Variants in PCDHGB1 observed in about 807,000 individuals in gnomAD.
PCDHGB1 encodes the protein protocadherin gamma-B1.
In PCDHGB1, 34 loss-of-function variants were observed where a neutral mutation model predicts 56.6. The observed-to-expected ratio is 0.60, with a 90% CI of 0.46 to 0.80. PCDHGB1 has a LOEUF of 0.80. Among genes scored for constraint, PCDHGB1 ranks in the 30% least tolerant of loss-of-function variants. The pLI is 0.00. For missense variants in PCDHGB1, 1,278 were observed against 1,204.6 expected, an observed-to-expected ratio of 1.06 and a Z score of -0.90; for synonymous variants, 561 against 505.9, an observed-to-expected ratio of 1.11 and a Z score of -1.46.
intron 1 of PCDHGB1, among the ~76,000 whole-genome samples, chr5:141,455,997 A>C (rs1373055623): frequency 1.3e-5 from 2 of 151,626 alleles, no homozygotes. Context: ...TCTCGGGTTC[A>C]TGCCATTCTC....
chr5:141,408,329 A>G (rs2095085203), intron 1 of PCDHGB1: 1 of 1,613,698 alleles, frequency 6.2e-7, no homozygotes, highest in Admixed American at 1.7e-5. Context: ...GGAGCTGGCC[A>G]AGGGCTCGGT....
chr5:141,399,543 C>T (rs2093831494), intron 1 of PCDHGB1: 3 of 1,614,042 alleles, frequency 1.9e-6, no homozygotes, highest in Non-Finnish European at 2.5e-6. Flanking sequence ...AAGTCTGCGC[C>T]TCGGACCTGG....
rs1328089059 is a variant in PCDHGB1, at chr5:141,478,532, G to A, written c.2410-16275G>A. 4.4e-6 allele frequency: 7 copies of A among 1,607,742 alleles called. No homozygotes were observed. The East Asian group carries it at 1.6e-4, about 36-fold the overall frequency. On this transcript the variant is annotated intron_variant, in intron 1 of 3. Coordinates refer to ENST00000523390, the MANE Select transcript of PCDHGB1 (RefSeq NM_018922.3). Reference sequence around the variant, plus strand: ...TAGGCAGGTGTTGGGTGCAGAGAGCGCCCCTCCCGGACAGGTAAGGTTTAG... The same window carrying A: ...TAGGCAGGTGTTGGGTGCAGAGAGCACCCCTCCCGGACAGGTAAGGTTTAG...
At chr5:141,365,018 G>C in intron 1 of PCDHGB1, 1 of 1,613,880 alleles carries the variant, frequency 6.2e-7, no homozygotes, top group Non-Finnish European at 8.5e-7. Context: ...GCACATCCGT[G>C]TTACGGTCCT....
At chr5:141,413,357 G>C in intron 1 of PCDHGB1, 1 of 1,613,992 alleles carries the variant, frequency 6.2e-7, no homozygotes, top group Non-Finnish European at 8.5e-7. Context: ...CTGGCGCCCC[G>C]GGAGCTGGCG....
chr5:141,409,164 C>G (rs115772303), intron 1 of PCDHGB1: 18 of 1,613,792 alleles, frequency 1.1e-5, no homozygotes, highest in Non-Finnish European at 1.4e-5. Flanking sequence ...GAAGTGGAAG[C>G]GAAGGACGGA....
At chr5:141,469,104 C>G (rs1046234848) in intron 1 of PCDHGB1, among the ~76,000 whole-genome samples, 3 of 151,760 alleles carry the variant, frequency 2.0e-5, no homozygotes, top group Middle Eastern at 3.2e-3. Flanking sequence ...AAGCAAGAAC[C>G]TGTCTCTAAA....
chr5:141,352,036 A>G lies in PCDHGB1; in HGVS notation c.1776A>G (p.Ala592=). The change falls in exon 1 of 4, where the codon GCA becomes GCG. Residue 592 remains alanine (A), a synonymous_variant. Transcript: ENST00000523390. ...YLVTKVVAVD[A]DSGHNAWLSY... is the part of the protein sequence containing the mutation. The stretch of plus-strand genomic sequence containing the variant: ...TGACCAAGGTGGTGGCGGTGGACGC[A>G]GACTCAGGACACAACGCTTGGCTGT... 1 of 1,608,834 alleles carries G rather than the reference A, an allele frequency of 6.2e-7. No homozygotes were observed. Among genetic ancestry groups the G allele is most frequent in the Admixed American group, 1.7e-5 (1 of 59,908 alleles).
chr5:141,407,735 T>C (rs2094975330), intron 1 of PCDHGB1, among the ~76,000 whole-genome samples: 1 of 152,246 alleles, frequency 6.6e-6, no homozygotes, highest in Non-Finnish European at 1.5e-5. Context: ...GTTCACTATA[T>C]ATACTCCCTA....
At chr5:141,470,648 C>T (rs1188305813) in intron 1 of PCDHGB1, among the ~76,000 whole-genome samples, 1 of 152,066 alleles carries the variant, frequency 6.6e-6, no homozygotes, top group Non-Finnish European at 1.5e-5. Context: ...TTTGAAGGCC[C>T]CTACCCTTTG....
intron 1 of PCDHGB1, among the ~76,000 whole-genome samples, chr5:141,445,441 C>T (rs1201825256): frequency 6.6e-6 from 1 of 152,152 alleles, no homozygotes; most frequent in Admixed American, 6.6e-5. Context: ...GACCTATGGA[C>T]TAAGGATGCA....
rs2099612736 is a variant in PCDHGB1 at position 141,485,393 on chromosome 5, C to T, written c.2410-9414C>T. The T allele has an allele frequency of 6.2e-7, 1 of 1,614,154 alleles. No homozygotes were observed. The highest frequency in any genetic ancestry group is 1.7e-5 in the Admixed American group (1 of 60,020). ...GGTCGCTGGAGAGGTGAACCAAAGA[C>T]ACTTCCGTGTGGATTTGGACAGCGG... On this transcript the variant is annotated intron_variant, in intron 1 of 3. Coordinates refer to ENST00000523390, the MANE Select transcript of PCDHGB1 (RefSeq NM_018922.3). The surrounding 1 kb of genome is among the most constrained non-coding windows in gnomAD (Gnocchi z 5.7).
intron 1 of PCDHGB1, among the ~76,000 whole-genome samples, chr5:141,484,627 A>G (rs866882607): frequency 5.3e-5 from 8 of 152,162 alleles, no homozygotes; most frequent in Middle Eastern, 3.4e-3. Flanking sequence ...TGGCTTGAAC[A>G]AAGTGACCAC....
chr5:141,473,367 T>C (rs1343477225), intron 1 of PCDHGB1, among the ~76,000 whole-genome samples: 1 of 152,178 alleles, frequency 6.6e-6, no homozygotes, highest in Non-Finnish European at 1.5e-5. Flanking sequence ...GCCACCAAAA[T>C]AGCATGGTCC....
chr5:141,433,209 T>A, intron 1 of PCDHGB1: 3 of 465,024 alleles, frequency 6.5e-6, no homozygotes, highest in South Asian at 1.0e-4. Context: ...ATCTTCTTTC[T>A]TTTTTTTTTT....
At chr5:141,427,963 T>C (rs1289642441) in intron 1 of PCDHGB1, 1 of 1,589,380 alleles carries the variant, frequency 6.3e-7, no homozygotes, top group East Asian at 2.2e-5. Flanking sequence ...GTGCCGCGGG[T>C]GCTGTACCCC....
intron 1 of PCDHGB1, chr5:141,361,755 C>A (rs771795005): frequency 1.9e-6 from 3 of 1,613,060 alleles, no homozygotes; most frequent in East Asian, 2.2e-5. Context: ...AGGGCTCGCC[C>A]GCGCTCAGCG....
At position 141,487,635 on chromosome 5, in the gene PCDHGB1, A is replaced by C. The variant is rs1594699829; in HGVS notation, c.2410-7172A>C. 1.2e-6 allele frequency: 2 copies of C among 1,614,204 alleles called. No individual in the cohort carries two copies. Among genetic ancestry groups the C allele is most frequent in the Non-Finnish European group, 1.7e-6 (2 of 1,180,034 alleles). On this transcript the variant is annotated intron_variant, in intron 1 of 3. Transcript: ENST00000523390. The surrounding 1 kb of genome is among the most constrained non-coding windows in gnomAD (Gnocchi z 5.0). Reference sequence around the variant, plus strand: ...CTAGAGGTGAGACCTTTGCAGGCTCAACAAATGCTTGAGGGTTATTCTGAT... The same window carrying C: ...CTAGAGGTGAGACCTTTGCAGGCTCCACAAATGCTTGAGGGTTATTCTGAT...
At chr5:141,384,768 G>A (rs1046016115) in intron 1 of PCDHGB1, 20 of 1,613,804 alleles carry the variant, frequency 1.2e-5, no homozygotes, top group Non-Finnish European at 1.6e-5. Context: ...GGCTGTACAC[G>A]GGCGAGGTGC....
Sources: allele counts gnomAD v4.1 joint callset (sites outside exome capture counted in the v4.1 genomes callset), GRCh38; gene constraint gnomAD v4.1.1; non-coding constraint Gnocchi (gnomAD v3.1); transcripts MANE v1.5; gene names NCBI Gene and HGNC (gene_info 2026-07-23, HGNC 2026-07-21).